Variants in PTPN3 observed in about 807,000 individuals in gnomAD.
PTPN3 encodes the protein protein tyrosine phosphatase non-receptor type 3, also known as tyrosine-protein phosphatase non-receptor type 3.
Under a neutral mutation model 132.7 loss-of-function variants are expected in PTPN3, and 96 were observed. The ratio of observed to expected loss-of-function variants is 0.72; its 90% CI spans 0.61 to 0.86. The LOEUF (loss-of-function observed/expected upper bound fraction) is 0.86. Ranked by LOEUF, PTPN3 falls within the 40% of genes least tolerant of loss-of-function variation. PTPN3 has a pLI of 0.00. For synonymous variants in PTPN3, 398 were observed against 429.0 expected, an observed-to-expected ratio of 0.93 and a Z score of 0.89; for missense variants, 1,125 against 1,159.6, an observed-to-expected ratio of 0.97 and a Z score of 0.43.
intron 1 of PTPN3, among the ~76,000 whole-genome samples, chr9:109,487,524 G>A (rs1316696843): frequency 3.3e-5 from 5 of 152,244 alleles, no homozygotes; most frequent in African/African-American, 1.2e-4. Context: ...CACGCTCTGG[G>A]GGTGGGGCCT....
At chr9:109,446,032 C>G (rs1231562243) in intron 6 of PTPN3, among the ~76,000 whole-genome samples, 1 of 152,158 alleles carries the variant, frequency 6.6e-6, no homozygotes. Context: ...ATTTTGAATC[C>G]TCTGATTGCT....
chr9:109,456,136 G>A (rs1845551939), intron 4 of PTPN3, among the ~76,000 whole-genome samples: 1 of 152,220 alleles, frequency 6.6e-6, no homozygotes, highest in South Asian at 2.1e-4. Flanking sequence ...TCCTGCCTGG[G>A]TGCTGAGGCA....
At chr9:109,529,588 G>T in the PTPN3 span, among the ~76,000 whole-genome samples, 2 of 152,144 alleles carry the variant, frequency 1.3e-5, no homozygotes, top group African/African-American at 4.8e-5. Context: ...CATCATTTCT[G>T]GTGGGTTGCT....
chr9:109,527,572 G>A, the PTPN3 span, among the ~76,000 whole-genome samples: 2 of 152,244 alleles, frequency 1.3e-5, no homozygotes, highest in South Asian at 2.1e-4. Flanking sequence ...GGAAGTTATA[G>A]TTAACAGTAG....
intron 7 of PTPN3, among the ~76,000 whole-genome samples, chr9:109,439,457 AG>A (rs759001280): frequency 2.0e-5 from 3 of 152,218 alleles, no homozygotes; most frequent in Non-Finnish European, 4.4e-5. Flanking sequence ...GAGCCTCCTG[AG>A]GACTCTCAAT....
intron 5 of PTPN3, chr9:109,449,406 A>G: frequency 1.0e-6 from 1 of 985,686 alleles, no homozygotes. Context: ...CATGAGCAAA[A>G]GCATAAACAT....
At position 109,457,372 on chromosome 9, in the gene PTPN3, C is replaced by G. The variant is rs372676217; in HGVS notation, c.166G>C (p.Asp56His). The G allele has an allele frequency of 3.7e-6, 6 of 1,613,762 alleles. No individual in the cohort carries two copies. The highest frequency in any genetic ancestry group is 5.1e-6 in the Non-Finnish European group (6 of 1,179,966). Residue 56 changes from aspartate to histidine, a missense_variant, in exon 3 of 26, where the codon GAT (aspartate) becomes CAT (histidine). Coordinates refer to ENST00000374541, the MANE Select transcript of PTPN3 (RefSeq NM_002829.4). ...ACACCCAGGTGGTTGTGCACCATAT[C>G]CAGAAGAACCTGGCCAGTGTCTTGT... ...TKQDTGQVLL[D>H]MVHNHLGVTE...
intron 13 of PTPN3, 49 bp from the exon 14 acceptor site, chr9:109,420,649 T>A (rs1207093680): frequency 6.5e-7 from 1 of 1,545,586 alleles, no homozygotes; most frequent in Non-Finnish European, 8.8e-7. Context: ...AAATTCCACT[T>A]AAAAATTTTA....
rs552685751 is a variant in PTPN3, at chr9:109,451,273, A to G, written c.369-2418T>C. 91 of 985,218 alleles carry G rather than the reference A, an allele frequency of 9.2e-5. No homozygotes were observed. In the African/African-American group the frequency reaches 1.5e-3, roughly 16 times the overall value. The allele number at this position is 985,218 out of a possible 1,614,324, so 61.0% of individuals were successfully genotyped here. A position where few individuals can be genotyped will look rare whatever the true frequency, so the allele number is the denominator to read the frequency against. ...GTCCTGGTGGCCCACCAGCTCTATA[A>G]GAGTTATGGGGGTGGCTCCCACCAT... On this transcript the variant is annotated intron_variant, in intron 5 of 25. Transcript: ENST00000374541.
At chr9:109,435,660 G>A (rs546010109) in intron 9 of PTPN3, among the ~76,000 whole-genome samples, 14 of 152,304 alleles carry the variant, frequency 9.2e-5, no homozygotes, top group Admixed American at 3.3e-4. Context: ...GATATCATCT[G>A]GCCTCACAGC....
chr9:109,459,872 T>C (rs1396284078), intron 2 of PTPN3, among the ~76,000 whole-genome samples: 1 of 152,116 alleles, frequency 6.6e-6, no homozygotes, highest in Non-Finnish European at 1.5e-5. Context: ...CTTTAGTGCC[T>C]GCTCCTCACC....
intron 22 of PTPN3, among the ~76,000 whole-genome samples, chr9:109,384,318 C>T (rs940926894): frequency 6.6e-6 from 1 of 152,198 alleles, no homozygotes; most frequent in Non-Finnish European, 1.5e-5. Context: ...ACTGGAGCAG[C>T]GTCTCTGAAG....
chr9:109,460,804 T>C (rs12006266), intron 2 of PTPN3, among the ~76,000 whole-genome samples: 59,626 of 152,088 alleles, frequency 0.39, 12,226 homozygotes, highest in African/African-American at 0.5. Flanking sequence ...CCATCTCCCC[T>C]GCTGGGATGT....
Position 109,448,794 on chromosome 9 carries a change from T to C in PTPN3, c.413+17A>G, listed in dbSNP as rs759115532. On this transcript the variant is annotated intron_variant, in intron 6 of 25. Coordinates refer to ENST00000374541, the MANE Select transcript of PTPN3 (RefSeq NM_002829.4). ...TGCTAGTCTAACAGGAAAAGAAAAA[T>C]GTAAAATTCTCATTACCTTCCTTCG... is the stretch of plus-strand genomic sequence containing the variant. 2 of 1,586,710 alleles carry C rather than the reference T, an allele frequency of 1.3e-6. No individual in the cohort carries two copies. The highest frequency in any genetic ancestry group is 1.7e-6 in the Non-Finnish European group (2 of 1,170,128).
chr9:109,456,131 C>T (rs1292964037), intron 4 of PTPN3, among the ~76,000 whole-genome samples: 4 of 152,166 alleles, frequency 2.6e-5, no homozygotes, highest in Non-Finnish European at 5.9e-5. Context: ...CTTCTTCCTG[C>T]CTGGGTGCTG....
intron 1 of PTPN3, among the ~76,000 whole-genome samples, chr9:109,497,935 A>C (rs2132136638): frequency 6.8e-6 from 1 of 147,190 alleles, no homozygotes; most frequent in East Asian, 2.0e-4. Flanking sequence ...GCGCACGCCC[A>C]CGCTCCGGCG....
rs144812815 is a variant in PTPN3, at chr9:109,420,600, C to A, written c.1137G>T (p.Trp379Cys). The A allele has an allele frequency of 4.4e-6, 7 of 1,603,976 alleles. No homozygotes were observed. Among genetic ancestry groups the A allele is most frequent in the African/African-American group, 1.3e-5 (1 of 74,712 alleles). The change falls in exon 14 of 26, where the codon TGG becomes TGT. Residue 379 changes from tryptophan to cysteine, a missense_variant and splice_region_variant. Trp to Cys is a radical substitution (Grantham distance 215). Transcript: ENST00000374541. ...TTTCGTGCCGGAGCCGAGGACTTCG[C>A]CTGGGTGGGAAAAACGTTGAGTGCA... is the stretch of plus-strand genomic sequence containing the variant. The part of the protein sequence containing the change: ...PSRSPPITPN[W>C]RSPRLRHEIR...
chr9:109,415,734 T>C (rs527831108), intron 14 of PTPN3, among the ~76,000 whole-genome samples: 62 of 152,090 alleles, frequency 4.1e-4, no homozygotes, highest in African/African-American at 1.2e-3. Context: ...AGAAATGGCA[T>C]AGGGACAGTG....
intron 25 of PTPN3, among the ~76,000 whole-genome samples, chr9:109,380,123 T>C (rs769343515): frequency 6.6e-6 from 1 of 152,184 alleles, no homozygotes; most frequent in Non-Finnish European, 1.5e-5. Flanking sequence ...CAGGATACAG[T>C]TATTTATCTT....
Sources: allele counts gnomAD v4.1 joint callset (sites outside exome capture counted in the v4.1 genomes callset), GRCh38; gene constraint gnomAD v4.1.1; transcripts MANE v1.5; gene names NCBI Gene and HGNC (gene_info 2026-07-23, HGNC 2026-07-21).